Variants in CEP85L observed in about 807,000 individuals in gnomAD.
The protein encoded by CEP85L is centrosomal protein 85L, also known as centrosomal protein of 85 kDa-like.
A neutral mutation model predicts 100.3 loss-of-function variants in CEP85L; 60 were observed. That is an observed-to-expected ratio of 0.60 (90% CI 0.49 to 0.74). The LOEUF is 0.74. Among genes scored for constraint, CEP85L ranks in the 30% least tolerant of loss-of-function variants. The probability of loss-of-function intolerance (pLI) is 0.00; values close to 1 mark genes in which losing one functional copy is unlikely to be tolerated. For missense variants in CEP85L, 973 were observed against 936.2 expected (o/e 1.04, Z -0.51); for synonymous variants, 319 against 322.7 (o/e 0.99, Z 0.12).
intron 4 of CEP85L, among the ~76,000 whole-genome samples, chr6:118,519,511 T>G (rs1190682429): frequency 2.1e-5 from 1 of 47,116 alleles, no homozygotes; most frequent in African/African-American, 8.7e-5. Flanking sequence ...TGCGTGTGTG[T>G]GGCGGGGGGG....
intron 3 of CEP85L, among the ~76,000 whole-genome samples, chr6:118,542,900 C>CAAAA (rs71012391): frequency 0.01 from 684 of 66,978 alleles, 20 homozygotes; most frequent in East Asian, 0.02. Context: ...CAAGTTTTCC[C>CAAAA]AAAAAAAAAA....
intron 1 of CEP85L, among the ~76,000 whole-genome samples, chr6:118,633,445 C>T (rs1774300827): frequency 6.6e-6 from 1 of 152,152 alleles, no homozygotes; most frequent in Admixed American, 6.5e-5. Flanking sequence ...ACCTCGTGAT[C>T]CACCCGCCTC....
intron 4 of CEP85L, among the ~76,000 whole-genome samples, chr6:118,522,197 C>T (rs1776709096): frequency 6.6e-6 from 1 of 152,072 alleles, no homozygotes; most frequent in African/African-American, 2.4e-5. Flanking sequence ...CCCGTCTCTA[C>T]TAAAAATACA....
At chr6:118,570,645 G>A (rs527555529) in intron 2 of CEP85L, among the ~76,000 whole-genome samples, 152 of 152,254 alleles carry the variant, frequency 1.0e-3, no homozygotes, top group Middle Eastern at 3.4e-3. Flanking sequence ...CCTGAGAGCT[G>A]GTGCCCTACT....
Position 118,479,923 on chromosome 6 carries a change from T to G in CEP85L, c.1864-2A>C. 1 of 1,399,350 alleles carries G rather than the reference T, an allele frequency of 7.1e-7. No individual in the cohort carries two copies. Among genetic ancestry groups the G allele is most frequent in the Non-Finnish European group, 9.9e-7 (1 of 1,013,410 alleles). The allele number at this position is 1,399,350 out of a possible 1,614,324, so 86.7% of individuals were successfully genotyped here. On this transcript the variant is annotated splice_acceptor_variant, in intron 9 of 12. Coordinates refer to ENST00000368491, the MANE Select transcript of CEP85L (RefSeq NM_001042475.3). LOFTEE classifies it high-confidence loss of function. The stretch of plus-strand genomic sequence containing the variant: ...CTCATCTTGTTGGCTGTCTATTATC[T>G]AAAACAAAATAAATACATCTGATTC...
chr6:118,553,639 T>C (rs775259620), intron 3 of CEP85L, among the ~76,000 whole-genome samples: 21 of 152,234 alleles, frequency 1.4e-4, no homozygotes, highest in Non-Finnish European at 2.9e-4. Flanking sequence ...ATACTATTTT[T>C]GGTCATCTCC....
At chr6:118,550,790 A>C (rs1778495156) in intron 3 of CEP85L, among the ~76,000 whole-genome samples, 1 of 151,976 alleles carries the variant, frequency 6.6e-6, no homozygotes, top group Admixed American at 6.6e-5. Context: ...AGGCAAATTC[A>C]GAGAATACAA....
chr6:118,534,429 G>T (rs1384856834), intron 3 of CEP85L, among the ~76,000 whole-genome samples: 1 of 151,826 alleles, frequency 6.6e-6, no homozygotes, highest in African/African-American at 2.4e-5. Context: ...GAAGTGGGCG[G>T]ATCATCTGAG....
chr6:118,499,704 A>G (rs894180977), intron 5 of CEP85L, among the ~76,000 whole-genome samples: 3 of 152,148 alleles, frequency 2.0e-5, no homozygotes, highest in Non-Finnish European at 4.4e-5. Flanking sequence ...AACAACTCTC[A>G]GCAAACTAGT....
intron 1 of CEP85L, among the ~76,000 whole-genome samples, chr6:118,684,080 G>T (rs1388993843): frequency 2.6e-5 from 4 of 152,156 alleles, no homozygotes; most frequent in African/African-American, 7.2e-5. Flanking sequence ...AGTTACACAG[G>T]AAGTGGAGGC....
At chr6:118,509,702 TAAC>T (rs575661489) in intron 5 of CEP85L, among the ~76,000 whole-genome samples, 3 of 152,022 alleles carry the variant, frequency 2.0e-5, no homozygotes, top group Non-Finnish European at 2.9e-5. Flanking sequence ...AGAACAACAA[TAAC>T]AACATCCACA....
At chr6:118,619,626 A>C (rs1209508675) in intron 2 of CEP85L, among the ~76,000 whole-genome samples, 1 of 152,204 alleles carries the variant, frequency 6.6e-6, no homozygotes, top group African/African-American at 2.4e-5. Context: ...TAAGTCCCTT[A>C]CAAGCAGTAG....
intron 3 of CEP85L, among the ~76,000 whole-genome samples, chr6:118,535,117 C>G (rs894318516): frequency 1.3e-5 from 2 of 152,100 alleles, no homozygotes; most frequent in Non-Finnish European, 2.9e-5. Context: ...TCATAATCAT[C>G]CGAAACTAAA....
rs1776805621 is a variant in CEP85L, at chr6:118,523,898, T to A, written c.1043A>T (p.Gln348Leu). The part of the protein sequence containing the change: ...PMQVLTGSSR[Q>L]SYSPGYQDFS... Reference sequence around the variant, plus strand: ...ATCCTGATAGCCAGGTGAATAACTTTGACGAGATGATCCAGTCAAAACCTG... The same window carrying A: ...ATCCTGATAGCCAGGTGAATAACTTAGACGAGATGATCCAGTCAAAACCTG... The change falls in exon 4 of 13, where the codon CAA (glutamine) becomes CTA (leucine). Residue 348 changes from glutamine (Q) to leucine (L), a missense_variant. Physicochemically the swap from Gln to Leu is moderately radical, Grantham distance 113 (BLOSUM62 -2). Transcript: ENST00000368491. 1 of 1,601,022 alleles carries A rather than the reference T, an allele frequency of 6.2e-7. No homozygotes were observed. The highest frequency in any genetic ancestry group is 1.3e-5 in the African/African-American group (1 of 74,634).
At chr6:118,667,688 G>A (rs1349827979) in intron 1 of CEP85L, among the ~76,000 whole-genome samples, 1 of 152,154 alleles carries the variant, frequency 6.6e-6, no homozygotes, top group Non-Finnish European at 1.5e-5. Context: ...AAGGGACTAA[G>A]GCCTAGAGAG....
At chr6:118,602,627 T>C (rs766119414) in intron 2 of CEP85L, among the ~76,000 whole-genome samples, 6 of 152,238 alleles carry the variant, frequency 3.9e-5, no homozygotes, top group East Asian at 1.9e-4. Context: ...AAGTGTACCA[T>C]AGTTTTTGAA....
intron 2 of CEP85L, among the ~76,000 whole-genome samples, chr6:118,627,677 T>G (rs1476043134): frequency 8.5e-5 from 13 of 152,218 alleles, no homozygotes; most frequent in Non-Finnish European, 5.9e-5. Context: ...TTCCAGGAGT[T>G]TGACCTGGTT....
chr6:118,619,452 C>A (rs956125148), intron 2 of CEP85L, among the ~76,000 whole-genome samples: 3 of 152,162 alleles, frequency 2.0e-5, no homozygotes, highest in Non-Finnish European at 4.4e-5. Flanking sequence ...GCCAAGCCTG[C>A]AAGATTTGCC....
intron 1 of CEP85L, among the ~76,000 whole-genome samples, chr6:118,684,088 G>T (rs951844462): frequency 1.3e-5 from 2 of 152,090 alleles, no homozygotes; most frequent in Admixed American, 1.3e-4. Flanking sequence ...AGGAAGTGGA[G>T]GCCAAAGCTA....
Sources: gnomAD v4.1 joint callset for allele counts (sites outside exome capture counted in the v4.1 genomes callset) on GRCh38, gnomAD v4.1.1 for gene constraint, MANE v1.5 for transcripts, NCBI Gene and HGNC (gene_info 2026-07-23, HGNC 2026-07-21) for gene names.